ANKFN1: variants seen among roughly 807,000 people sequenced by gnomAD.
ANKFN1 encodes ankyrin repeat and fibronectin type III domain containing 1.
ANKFN1 carries 74 observed loss-of-function variants against 108.7 expected under a neutral mutation model. The observed-to-expected ratio is 0.68, with a 90% confidence interval of 0.56 to 0.83. The LOEUF is 0.83. ANKFN1 is among the 40% of genes least tolerant of loss of function. The pLI is 0.00. For synonymous variants in ANKFN1, 547 were observed against 516.2 expected (o/e 1.06, Z -0.81); for missense variants, 1,505 against 1,382.3 (o/e 1.09, Z -1.41).
At chr17:56,069,003 G>T (rs1259214247) in intron 4 of ANKFN1, among the ~76,000 whole-genome samples, 1 of 152,096 alleles carries the variant, frequency 6.6e-6, no homozygotes, top group Non-Finnish European at 1.5e-5. Flanking sequence ...TCTCAGCTAG[G>T]GAGTTAAAAT....
At chr17:56,188,581 G>GTGTGTGTATATATATATA (rs1212242378) in intron 1 of ANKFN1, among the ~76,000 whole-genome samples, 5 of 49,648 alleles carry the variant, frequency 1.0e-4, no homozygotes, top group South Asian at 7.6e-4. Context: ...GTGTGTGTGT[G>GTGTGTGTATATATATATA]TATATATATA....
intron 4 of ANKFN1, among the ~76,000 whole-genome samples, chr17:56,093,499 C>T (rs147016432): frequency 0.013 from 1,907 of 151,062 alleles, 95 homozygotes; most frequent in African/African-American, 0.044. Flanking sequence ...GAATACTAAG[C>T]GCAAAAAACG....
At chr17:56,263,926 T>C (rs1223477260) in intron 3 of ANKFN1, among the ~76,000 whole-genome samples, 1 of 152,196 alleles carries the variant, frequency 6.6e-6, no homozygotes, top group African/African-American at 2.4e-5. Flanking sequence ...AATGGAAGTC[T>C]GACCTCTGAG....
intron 3 of ANKFN1, among the ~76,000 whole-genome samples, chr17:56,295,590 ATAT>A (rs1301779840): frequency 6.6e-6 from 1 of 152,112 alleles, no homozygotes; most frequent in East Asian, 1.9e-4. Flanking sequence ...TTCCACCATG[ATAT>A]TAAAAAAAGC....
chr17:56,373,403 A>G (rs2046863117), intron 7 of ANKFN1, among the ~76,000 whole-genome samples: 1 of 152,234 alleles, frequency 6.6e-6, no homozygotes, highest in Admixed American at 6.5e-5. Context: ...CTTTTTGGAT[A>G]ATACTCATTA....
intron 4 of ANKFN1, among the ~76,000 whole-genome samples, chr17:56,100,011 G>A (rs955001866): frequency 2.0e-5 from 3 of 152,200 alleles, no homozygotes; most frequent in Non-Finnish European, 4.4e-5. Flanking sequence ...AGGAAGAGAC[G>A]AAACTCTAAC....
rs1186914479 is a variant in ANKFN1, at chr17:56,273,538, A to G, written c.53+45581A>G. ...TAGATTCCAGGAATACAATACAATTACAGACACTCACCAGATAGGGAATCT... is the reference window on the plus strand; with the variant it reads ...TAGATTCCAGGAATACAATACAATTGCAGACACTCACCAGATAGGGAATCT... On this transcript the variant is annotated intron_variant, in intron 3 of 20. Coordinates refer to ENST00000682825, the MANE Select transcript of ANKFN1 (RefSeq NM_001370326.1). Among the ~76,000 whole-genome samples the G allele has an allele frequency of 2.6e-5, 4 of 152,326 alleles. No homozygotes were observed. In the East Asian group the frequency reaches 7.7e-4, roughly 29 times the overall value.
chr17:56,301,074 T>C (rs1465195864), intron 3 of ANKFN1, among the ~76,000 whole-genome samples: 1 of 152,234 alleles, frequency 6.6e-6, no homozygotes, highest in Admixed American at 6.5e-5. Context: ...CTCACAAAGC[T>C]TGGTGAAGAT....
At chr17:56,203,708 T>C (rs1007670700) in intron 1 of ANKFN1, among the ~76,000 whole-genome samples, 9 of 152,216 alleles carry the variant, frequency 5.9e-5, no homozygotes, top group African/African-American at 2.2e-4. Context: ...ATTTCATTCA[T>C]GTACAAACGA....
intron 8 of ANKFN1, among the ~76,000 whole-genome samples, chr17:56,408,985 C>T (rs200181437): frequency 1.1e-4 from 16 of 150,152 alleles, no homozygotes; most frequent in African/African-American, 3.4e-4. Context: ...AGTGCAATGG[C>T]GCAATCTCAG....
chr17:56,142,516 A>G (rs1907989183), intron 4 of ANKFN1, among the ~76,000 whole-genome samples: 2 of 152,210 alleles, frequency 1.3e-5, no homozygotes, highest in African/African-American at 4.8e-5. Flanking sequence ...TCTGCACCAC[A>G]TGCCTAAAGG....
intron 4 of ANKFN1, among the ~76,000 whole-genome samples, chr17:56,111,736 T>C (rs1905976985): frequency 2.0e-5 from 3 of 152,178 alleles, no homozygotes; most frequent in Admixed American, 2.0e-4. Context: ...AGTCTGATAA[T>C]TAATGCTAAA....
chr17:56,263,586 G>T (rs1289202824), intron 3 of ANKFN1, among the ~76,000 whole-genome samples: 2 of 152,214 alleles, frequency 1.3e-5, no homozygotes, highest in Admixed American at 1.3e-4. Context: ...TTTCTGTAAA[G>T]GGAGACTGGT....
At chr17:56,056,640 G>T (rs1904882081) in intron 4 of ANKFN1, among the ~76,000 whole-genome samples, 1 of 152,154 alleles carries the variant, frequency 6.6e-6, no homozygotes, top group Non-Finnish European at 1.5e-5. Flanking sequence ...AATGAAACTG[G>T]ACCCCTATCC....
intron 4 of ANKFN1, among the ~76,000 whole-genome samples, chr17:56,339,234 G>T (rs935721965): frequency 6.6e-6 from 1 of 151,852 alleles, no homozygotes; most frequent in African/African-American, 2.4e-5. Context: ...AAAAATAAAA[G>T]ATAAGTTTAT....
intron 1 of ANKFN1, among the ~76,000 whole-genome samples, chr17:56,176,509 A>T (rs1911169808): frequency 6.6e-6 from 1 of 152,214 alleles, no homozygotes; most frequent in African/African-American, 2.4e-5. Flanking sequence ...ACAAGGAGTT[A>T]AGAGAACTCC....
At chr17:56,070,672 A>C (rs1905110187) in intron 4 of ANKFN1, among the ~76,000 whole-genome samples, 2 of 151,486 alleles carry the variant, frequency 1.3e-5, no homozygotes, top group Non-Finnish European at 2.9e-5. Flanking sequence ...TTTTGAGTCC[A>C]TGTTGTCTCA....
chr17:56,257,329 C>CT (rs1181187153), intron 3 of ANKFN1, among the ~76,000 whole-genome samples: 1 of 152,222 alleles, frequency 6.6e-6, no homozygotes, highest in African/African-American at 2.4e-5. Flanking sequence ...ATAGGAGTCA[C>CT]TGTTCCTTGC....
At chr17:56,279,995 A>G (rs2044029731) in intron 3 of ANKFN1, among the ~76,000 whole-genome samples, 1 of 147,238 alleles carries the variant, frequency 6.8e-6, no homozygotes, top group African/African-American at 2.7e-5. Flanking sequence ...TCAGGTTGGG[A>G]GCCACATAAT....
Sources: gnomAD v4.1 joint callset for allele counts (sites outside exome capture counted in the v4.1 genomes callset) on GRCh38, gnomAD v4.1.1 for gene constraint, MANE v1.5 for transcripts, NCBI Gene and HGNC (gene_info 2026-07-23, HGNC 2026-07-21) for gene names.